SLC35F4: variants seen among roughly 807,000 people sequenced by gnomAD.
SLC35F4 encodes the protein chromosome 14 open reading frame 36.
A neutral mutation model predicts 44.2 loss-of-function variants in SLC35F4; 24 were observed. The observed-to-expected ratio is 0.54, with a 90% CI of 0.39 to 0.76. The LOEUF (loss-of-function observed/expected upper bound fraction) is 0.76, where lower values mean the gene tolerates loss of function less well. Ranked by LOEUF, SLC35F4 falls within the 30% of genes least tolerant of loss-of-function variation. The probability of loss-of-function intolerance (pLI) is 0.00; values close to 1 mark genes in which losing one functional copy is unlikely to be tolerated. For synonymous variants in SLC35F4, 238 were observed against 223.6 expected (o/e 1.06, Z -0.57); for missense variants, 562 against 586.1 (o/e 0.96, Z 0.42).
intron 1 of SLC35F4, among the ~76,000 whole-genome samples, chr14:57,823,623 G>A: frequency 6.6e-6 from 1 of 152,126 alleles, no homozygotes; most frequent in Non-Finnish European, 1.5e-5. Flanking sequence ...ATGAACTAAT[G>A]ACTCTGGCTC....
At chr14:57,808,304 G>A (rs926155153) in intron 1 of SLC35F4, among the ~76,000 whole-genome samples, 23 of 151,814 alleles carry the variant, frequency 1.5e-4, no homozygotes, top group Admixed American at 1.3e-4. Context: ...ACTGGAATCC[G>A]CTCCACCTGT....
chr14:57,566,279 C>CCA (rs2139661771), intron 7 of SLC35F4, among the ~76,000 whole-genome samples, 196 bp downstream of exon 7: 1 of 152,292 alleles, frequency 6.6e-6, no homozygotes, highest in South Asian at 2.1e-4. Flanking sequence ...CAAGTAAAAA[C>CCA]AGTGTTTTTA....
chr14:57,663,210 T>G (rs1462675044), intron 1 of SLC35F4, among the ~76,000 whole-genome samples: 1 of 152,212 alleles, frequency 6.6e-6, no homozygotes, highest in Non-Finnish European at 1.5e-5. Flanking sequence ...ACCGTATAGA[T>G]GTAGAATATA....
At chr14:57,653,754 C>T (rs939348181) in intron 1 of SLC35F4, among the ~76,000 whole-genome samples, 6 of 152,192 alleles carry the variant, frequency 3.9e-5, no homozygotes, top group Non-Finnish European at 2.9e-5. Context: ...GCCGCCTTAT[C>T]AGGGCTGGAG....
rs746315170 is a variant in SLC35F4 at position 57,571,934 on chromosome 14, G to A, written c.893C>T (p.Ala298Val). The change falls in exon 5 of 8, where the codon GCA becomes GTA. Residue 298 changes from alanine to valine, a missense_variant. Physicochemically the swap from Ala to Val is moderately conservative, Grantham distance 64 (BLOSUM62 0). Transcript: ENST00000556826. ...TGTAGAGGCTGAGCCCACCGCAAAT[G>A]CCACTCCTATGATGGAATCAGCGTG... ...NFHADSIIGV[A>V]FAVGSASTSA... 22 of 1,612,488 alleles carry A rather than the reference G, an allele frequency of 1.4e-5. No homozygotes were observed. In the Admixed American group the frequency reaches 3.7e-4, roughly 27 times the overall value.
intron 1 of SLC35F4, among the ~76,000 whole-genome samples, chr14:57,930,370 A>G (rs1220842224): frequency 6.6e-6 from 1 of 152,114 alleles, no homozygotes; most frequent in African/African-American, 2.4e-5. Flanking sequence ...CAGCAACAAC[A>G]TTCCCTATTG....
In SLC35F4 at chr14:57,584,356, C is replaced by G. The variant is rs542307906; in HGVS notation, c.588-2923G>C. ...CATACCATTCTAGAGAAAATAGATT[C>G]TGGTGCTATGGGACAAATTCTATTT... On this transcript the variant is annotated intron_variant, in intron 3 of 7. Coordinates refer to ENST00000556826, the MANE Select transcript of SLC35F4 (RefSeq NM_001306087.2). Among the ~76,000 whole-genome samples, 12 of 152,222 alleles carry G rather than the reference C, an allele frequency of 7.9e-5. No homozygotes were observed. The East Asian group carries it at 2.1e-3, about 27-fold the overall frequency.
At chr14:57,761,112 G>A (rs766107446) in intron 1 of SLC35F4, among the ~76,000 whole-genome samples, 4 of 152,154 alleles carry the variant, frequency 2.6e-5, no homozygotes, top group Non-Finnish European at 4.4e-5. Context: ...GGGTGACTGT[G>A]AGACTTGGAC....
chr14:57,806,566 GCTT>G (rs1226801719), intron 1 of SLC35F4, among the ~76,000 whole-genome samples: 2 of 152,094 alleles, frequency 1.3e-5, no homozygotes, highest in Non-Finnish European at 1.5e-5. Flanking sequence ...CTCCCAGATA[GCTT>G]CAAATAATTT....
At chr14:57,589,593 A>G in intron 2 of SLC35F4, 80 bp from the exon 3 acceptor site, 3 of 1,379,424 alleles carry the variant, frequency 2.2e-6, no homozygotes, top group Non-Finnish European at 2.9e-6. Flanking sequence ...CTTAAAAAAG[A>G]TGGATGAAAC....
chr14:57,632,913 A>G (rs950749941), intron 1 of SLC35F4, among the ~76,000 whole-genome samples: 1 of 151,890 alleles, frequency 6.6e-6, no homozygotes, highest in African/African-American at 2.4e-5. Flanking sequence ...CCTTCAATCT[A>G]TGACAACCAC....
chr14:57,682,462 G>A (rs1013871996), intron 1 of SLC35F4, among the ~76,000 whole-genome samples: 1 of 152,082 alleles, frequency 6.6e-6, no homozygotes, highest in Non-Finnish European at 1.5e-5. Flanking sequence ...TATGGACACA[G>A]GGAGCGGAAC....
chr14:57,771,060 G>C (rs1490680788), intron 1 of SLC35F4, among the ~76,000 whole-genome samples: 1 of 152,086 alleles, frequency 6.6e-6, no homozygotes, highest in Non-Finnish European at 1.5e-5. Flanking sequence ...ACCAATTTCT[G>C]TATCATTTCA....
chr14:57,974,408 C>G (rs564481595), downstream of SLC35F4, among the ~76,000 whole-genome samples: 11 of 152,264 alleles, frequency 7.2e-5, no homozygotes, highest in African/African-American at 2.6e-4. Context: ...GTCATTAAAG[C>G]CAGCTCAGAT....
intron 1 of SLC35F4, among the ~76,000 whole-genome samples, chr14:57,962,972 A>G (rs1437337292): frequency 1.3e-4 from 19 of 151,902 alleles, no homozygotes; most frequent in East Asian, 3.9e-4. Flanking sequence ...AATAGGGGGG[A>G]AAAAAGAAAA....
At chr14:57,941,491 C>T (rs1461132478) in intron 1 of SLC35F4, among the ~76,000 whole-genome samples, 3 of 151,968 alleles carry the variant, frequency 2.0e-5, no homozygotes, top group Non-Finnish European at 1.5e-5. Context: ...TAGGTAAATA[C>T]ATAGATGCAG....
chr14:57,878,583 T>C (rs1278848101), intron 1 of SLC35F4, among the ~76,000 whole-genome samples: 1 of 152,172 alleles, frequency 6.6e-6, no homozygotes, highest in Non-Finnish European at 1.5e-5. Context: ...TCCCTCTATC[T>C]GGAACACTCT....
chr14:57,887,663 G>C (rs1162735586), intron 1 of SLC35F4, among the ~76,000 whole-genome samples: 3 of 152,148 alleles, frequency 2.0e-5, no homozygotes, highest in Non-Finnish European at 2.9e-5. Flanking sequence ...CTCTCCTGCT[G>C]TCAAGGGAGC....
At chr14:57,783,611 C>T (rs745457987) in intron 1 of SLC35F4, among the ~76,000 whole-genome samples, 15 of 152,130 alleles carry the variant, frequency 9.9e-5, no homozygotes, top group African/African-American at 3.6e-4. Flanking sequence ...TGCAACAAGG[C>T]CTGGACAATA....
Sources: allele counts gnomAD v4.1 joint callset (sites outside exome capture counted in the v4.1 genomes callset), GRCh38; gene constraint gnomAD v4.1.1; transcripts MANE v1.5; gene names NCBI Gene and HGNC (gene_info 2026-07-23, HGNC 2026-07-21).